Variants in LRRN1 observed in about 807,000 individuals in gnomAD.
The protein encoded by LRRN1 is leucine-rich repeat neuronal protein 1.
Under a neutral mutation model 45.8 loss-of-function variants are expected in LRRN1, and 14 were observed. The ratio of observed to expected loss-of-function variants is 0.31; its 90% CI spans 0.20 to 0.48. LRRN1 has a LOEUF of 0.48. Ranked by LOEUF, LRRN1 falls within the 20% of genes least tolerant of loss-of-function variation. The probability of loss-of-function intolerance (pLI) is 0.99; values close to 1 mark genes in which losing one functional copy is unlikely to be tolerated. For missense variants in LRRN1, 789 were observed against 874.2 expected, an observed-to-expected ratio of 0.90 and a Z score of 1.23; for synonymous variants, 359 against 330.1, an observed-to-expected ratio of 1.09 and a Z score of -0.95.
chr3:3,827,432 G>A (rs1693247295), intron 1 of LRRN1: 1 of 456,724 alleles, frequency 2.2e-6, no homozygotes, highest in South Asian at 1.5e-5. Flanking sequence ...AGTCCACACA[G>A]TGGAGTCTGG....
intron 1 of LRRN1, among the ~76,000 whole-genome samples, chr3:3,819,034 C>G (rs1194453619): frequency 2.0e-5 from 3 of 151,940 alleles, no homozygotes; most frequent in Non-Finnish European, 2.9e-5. Context: ...CACTCTTTCA[C>G]CCAGACTAGA....
intron 1 of LRRN1, among the ~76,000 whole-genome samples, chr3:3,809,438 C>A (rs573116066): frequency 6.6e-6 from 1 of 152,202 alleles, no homozygotes; most frequent in African/African-American, 2.4e-5. Flanking sequence ...GCCACTGCCC[C>A]CGGCCATGAA....
At chr3:3,800,270 CG>C (rs1692618514) in intron 1 of LRRN1, among the ~76,000 whole-genome samples, 1 of 151,520 alleles carries the variant, frequency 6.6e-6, no homozygotes, top group Admixed American at 6.6e-5. Context: ...GGGAGGTGCC[CG>C]GGGACGGGGA....
intron 1 of LRRN1, among the ~76,000 whole-genome samples, chr3:3,834,302 T>C (rs1693436384): frequency 6.6e-6 from 1 of 151,790 alleles, no homozygotes; most frequent in Non-Finnish European, 1.5e-5. Context: ...GTCAAATGCA[T>C]TTATTTTGCA....
intron 1 of LRRN1, among the ~76,000 whole-genome samples, chr3:3,824,711 A>G (rs1237918721): frequency 6.6e-6 from 1 of 152,234 alleles, no homozygotes; most frequent in Admixed American, 6.5e-5. Flanking sequence ...TTGATGGAGC[A>G]CTAAAGACTA....
intron 1 of LRRN1, among the ~76,000 whole-genome samples, chr3:3,834,545 TATATATATG>T (rs1157953261): frequency 2.6e-5 from 3 of 115,456 alleles, no homozygotes; most frequent in East Asian, 5.4e-4. Context: ...TATATATATA[TATATATATG>T]ATATATATAT....
chr3:3,815,536 C>T (rs540483083), intron 1 of LRRN1, among the ~76,000 whole-genome samples: 2 of 152,280 alleles, frequency 1.3e-5, no homozygotes, highest in South Asian at 4.1e-4. Context: ...AACATAGGTA[C>T]TAGCTGGATT....
intron 1 of LRRN1, among the ~76,000 whole-genome samples, chr3:3,833,247 CT>C (rs1247847545): frequency 8.5e-5 from 13 of 152,204 alleles, no homozygotes. Flanking sequence ...CTCCCTAGGC[CT>C]TTGGATCCCT....
chr3:3,801,350 C>T (rs1692648612), intron 1 of LRRN1: 1 of 152,168 alleles, frequency 6.6e-6, no homozygotes, highest in Non-Finnish European at 1.5e-5. Flanking sequence ...GGAGGATTTT[C>T]TAAAAGACAA....
intron 1 of LRRN1, among the ~76,000 whole-genome samples, chr3:3,817,810 G>T (rs984284187): frequency 3.3e-5 from 5 of 152,136 alleles, no homozygotes; most frequent in Admixed American, 6.5e-5. Context: ...AGAGAAAAAT[G>T]CAATAAATGT....
At chr3:3,842,127 A>T (rs1267880720) in intron 1 of LRRN1, among the ~76,000 whole-genome samples, 1 of 152,186 alleles carries the variant, frequency 6.6e-6, no homozygotes, top group Non-Finnish European at 1.5e-5. Context: ...GTATTTGTGT[A>T]TTGAAACATA....
intron 1 of LRRN1, among the ~76,000 whole-genome samples, chr3:3,821,814 G>A (rs1483462985): frequency 6.6e-6 from 1 of 152,162 alleles, no homozygotes; most frequent in Non-Finnish European, 1.5e-5. Flanking sequence ...TCATATTTGG[G>A]TACCTAGAAA....
At position 3,845,390 on chromosome 3, in the gene LRRN1, A is replaced by G. The variant is rs1320118901; in HGVS notation, c.749A>G (p.Lys250Arg). The G allele has an allele frequency of 6.2e-7, 1 of 1,614,086 alleles. No homozygotes were observed. The highest frequency in any genetic ancestry group is 1.1e-5 in the South Asian group (1 of 91,078). ...GAGAGCCTGTCTTTTTATGATAACAAACTGGTTAAAGTCCCTCAACTTGCC... is the reference window on the plus strand; with the variant it reads ...GAGAGCCTGTCTTTTTATGATAACAGACTGGTTAAAGTCCCTCAACTTGCC... ...SLESLSFYDN[K>R]LVKVPQLALQ... Residue 250 changes from lysine (K) to arginine (R), a missense_variant, in exon 2 of 2, where the codon AAA (lysine) becomes AGA (arginine). By Grantham distance (26) the Lys-to-Arg change is conservative. Transcript: ENST00000319331. This position sits in a 1 kb window ranked among gnomAD's most constrained non-coding sequence, Gnocchi z 6.5.
At chr3:3,821,068 C>T (rs1313245203) in intron 1 of LRRN1, among the ~76,000 whole-genome samples, 3 of 152,132 alleles carry the variant, frequency 2.0e-5, no homozygotes, top group Admixed American at 6.6e-5. Flanking sequence ...TACAGATATT[C>T]CCAGACCCCA....
At chr3:3,822,765 T>C (rs1693131443) in intron 1 of LRRN1, 1 of 152,170 alleles carries the variant, frequency 6.6e-6, no homozygotes, top group African/African-American at 2.4e-5. Flanking sequence ...TGAAAATACA[T>C]ACTGGAAATG....
At chr3:3,839,751 T>C (rs1693606911) in intron 1 of LRRN1, among the ~76,000 whole-genome samples, 1 of 152,142 alleles carries the variant, frequency 6.6e-6, no homozygotes. Context: ...CTTTTGTAAA[T>C]GGGGTTGTTT....
chr3:3,811,671 TG>T (rs1050153018), intron 1 of LRRN1, among the ~76,000 whole-genome samples: 1 of 152,236 alleles, frequency 6.6e-6, no homozygotes, highest in Non-Finnish European at 1.5e-5. Flanking sequence ...GAATGCTTTT[TG>T]TGATATTATT....
chr3:3,845,404 C>T lies in LRRN1; in HGVS notation c.763C>T (p.Pro255Ser), dbSNP rs111550446. 2 of 1,614,076 alleles carry T rather than the reference C, an allele frequency of 1.2e-6. No individual in the cohort carries two copies. The highest frequency in any genetic ancestry group is 3.3e-5 in the Admixed American group (2 of 60,000). ...SFYDNKLVKV[P>S]QLALQKVPNL... The stretch of plus-strand genomic sequence containing the variant: ...TTATGATAACAAACTGGTTAAAGTC[C>T]CTCAACTTGCCCTGCAAAAAGTTCC... The change falls in exon 2 of 2, where the codon CCT becomes TCT. Residue 255 changes from proline (P) to serine (S), a missense_variant. Transcript: ENST00000319331. This position sits in a 1 kb window ranked among gnomAD's most constrained non-coding sequence, Gnocchi z 6.5.
chr3:3,839,074 C>A (rs948182732), intron 1 of LRRN1, among the ~76,000 whole-genome samples: 1 of 152,032 alleles, frequency 6.6e-6, no homozygotes, highest in African/African-American at 2.4e-5. Flanking sequence ...ATCTAAGAAA[C>A]CATTGCCAAA....
Sources: gnomAD v4.1 joint callset for allele counts (sites outside exome capture counted in the v4.1 genomes callset) on GRCh38, gnomAD v4.1.1 for gene constraint, Gnocchi (gnomAD v3.1) non-coding constraint, MANE v1.5 for transcripts, NCBI Gene and HGNC (gene_info 2026-07-23, HGNC 2026-07-21) for gene names.